The following ULK4 variants were observed in gnomAD, a reference collection of about 807,000 sequenced individuals.
The protein encoded by ULK4 is unc-51 like kinase 4.
ULK4 carries 133 observed loss-of-function variants against 160.6 expected under a neutral mutation model. The ratio of observed to expected loss-of-function variants is 0.83; its 90% CI spans 0.72 to 0.96. The LOEUF is 0.96. Among genes scored for constraint, ULK4 ranks in the 40% least tolerant of loss-of-function variants. The pLI is 0.00. For missense variants in ULK4, 1,580 were observed against 1,499.5 expected, an observed-to-expected ratio of 1.05 and a Z score of -0.89; for synonymous variants, 534 against 539.8, an observed-to-expected ratio of 0.99 and a Z score of 0.15.
intron 35 of ULK4, among the ~76,000 whole-genome samples, chr3:41,360,866 T>C (rs565663818): frequency 6.6e-6 from 1 of 151,864 alleles, no homozygotes; most frequent in East Asian, 1.9e-4. Context: ...CAAACCACCA[T>C]AGCACACGTT....
chr3:41,439,086 G>C (rs972386327), intron 34 of ULK4, among the ~76,000 whole-genome samples: 1 of 152,202 alleles, frequency 6.6e-6, no homozygotes, highest in South Asian at 2.1e-4. Context: ...ATGGGGGTTG[G>C]GGTTCCCCGT....
intron 29 of ULK4, among the ~76,000 whole-genome samples, chr3:41,669,761 TATA>T (rs1317901001): frequency 6.6e-6 from 1 of 151,138 alleles, no homozygotes; most frequent in African/African-American, 2.5e-5. Flanking sequence ...GTATAGATAA[TATA>T]ATAATAATAT....
intron 32 of ULK4, among the ~76,000 whole-genome samples, chr3:41,525,450 C>T (rs937729252): frequency 6.6e-6 from 1 of 152,232 alleles, no homozygotes; most frequent in African/African-American, 2.4e-5. Context: ...TCAATGGACT[C>T]TCGTCTTCTG....
Position 41,800,286 on chromosome 3 carries a change from C to T in ULK4, c.1856G>A (p.Arg619His), listed in dbSNP as rs200014395. The change falls in exon 20 of 37, where the codon CGT (arginine) becomes CAT (histidine). Residue 619 changes from arginine (R) to histidine (H), a missense_variant. Transcript: ENST00000301831. ...LMRCLREGEE[R>H]VVNHMAAKII... is the part of the protein sequence containing the mutation. ...TTTTGCTGCCATGTGATTCACAACA[C>T]GCTCTTCCTATAGAGAAAGGAGATT... is the stretch of plus-strand genomic sequence containing the variant. 888 of 1,611,280 alleles carry T rather than the reference C, an allele frequency of 5.5e-4. No individual in the cohort carries two copies. Among genetic ancestry groups the T allele is most frequent in the Non-Finnish European group, 6.8e-4 (801 of 1,178,918 alleles).
intron 21 of ULK4, among the ~76,000 whole-genome samples, chr3:41,772,489 C>T (rs1349587629): frequency 1.3e-5 from 2 of 152,076 alleles, no homozygotes; most frequent in South Asian, 2.1e-4. Flanking sequence ...ATAAATTCCT[C>T]GACACATACA....
In ULK4 at chr3:41,269,191, A is replaced by G. The variant is rs537304814; in HGVS notation, c.3679-19617T>C. Among the ~76,000 whole-genome samples, 207 of 152,236 alleles carry G rather than the reference A, an allele frequency of 1.4e-3. 1 individual carries two copies. Among genetic ancestry groups the G allele is most frequent in the African/African-American group, 2.7e-3 (114 of 41,560 alleles). ...AAAAAGATGTGTGATGAGCAGGACT[A>G]TTTTGTATTTAGGGTATAATCACTC... On this transcript the variant is annotated intron_variant, in intron 35 of 36. Transcript: ENST00000301831.
chr3:41,565,965 A>G lies in ULK4; in HGVS notation c.3226+60T>C, dbSNP rs187668766. ...GTGGTACTTCTAGACTCCACGCTATATAAGATGAAGAAATGAATAGGCAAA... is the reference window on the plus strand; with the variant it reads ...GTGGTACTTCTAGACTCCACGCTATGTAAGATGAAGAAATGAATAGGCAAA... On this transcript the variant is annotated intron_variant, in intron 32 of 36. Coordinates refer to ENST00000301831, the MANE Select transcript of ULK4 (RefSeq NM_017886.4). 1.3e-5 allele frequency: 18 copies of G among 1,333,802 alleles called. No homozygotes were observed. The East Asian group carries it at 2.6e-4, about 19-fold the overall frequency. The allele number at this position is 1,333,802 out of a possible 1,614,324, so 82.6% of individuals were successfully genotyped here.
chr3:41,911,480 A>G (rs1448279678), intron 10 of ULK4, 61 bp downstream of exon 10: 1 of 1,587,990 alleles, frequency 6.3e-7, no homozygotes, highest in African/African-American at 1.3e-5. Flanking sequence ...CATAACACTG[A>G]AATTAGGAAC....
At chr3:41,532,477 GTTT>G (rs1293415537) in intron 32 of ULK4, among the ~76,000 whole-genome samples, 1 of 152,044 alleles carries the variant, frequency 6.6e-6, no homozygotes, top group African/African-American at 2.4e-5. Context: ...AATTTTGTTT[GTTT>G]TTTATTTTTT....
intron 17 of ULK4, chr3:41,859,209 G>A: frequency 1.9e-6 from 1 of 522,282 alleles, no homozygotes; most frequent in Non-Finnish European, 3.7e-6. Flanking sequence ...ACATTTAAAT[G>A]TGGTGCTGAT....
chr3:41,600,605 T>C (rs1464696208), intron 31 of ULK4, among the ~76,000 whole-genome samples: 2 of 152,228 alleles, frequency 1.3e-5, no homozygotes, highest in African/African-American at 4.8e-5. Context: ...CAACACTTCA[T>C]GCTCAACAGA....
Position 41,913,730 on chromosome 3 carries a change from AG to A in ULK4, c.804-832del, listed in dbSNP as rs201709131. Reference sequence around the variant, plus strand: ...GTAATCCCAGCATTTTGGGAGGCCAAGGTGGGTAGATTGCTTGAGTCCATGA... The same window carrying A: ...GTAATCCCAGCATTTTGGGAGGCCAAGTGGGTAGATTGCTTGAGTCCATGA... On this transcript the variant is annotated intron_variant, in intron 8 of 36. Transcript: ENST00000301831. Among the ~76,000 whole-genome samples, 1,042 of 152,256 alleles carry A rather than the reference AG, an allele frequency of 6.8e-3. 12 individuals carry two copies. Among genetic ancestry groups the A allele is most frequent in the African/African-American group, 0.024 (1,005 of 41,558 alleles).
At chr3:41,441,730 G>T (rs7642296) in intron 34 of ULK4, among the ~76,000 whole-genome samples, 36,187 of 151,852 alleles carry the variant, frequency 0.24, 5,217 homozygotes, top group East Asian at 0.57. Context: ...GTTGCTCAAG[G>T]CTACCATTCC....
intron 21 of ULK4, among the ~76,000 whole-genome samples, chr3:41,770,293 T>C (rs575818729): frequency 2.0e-5 from 3 of 152,292 alleles, no homozygotes; most frequent in Admixed American, 2.0e-4. Flanking sequence ...AGGCTTATTA[T>C]TAATCACTGT....
intron 32 of ULK4, among the ~76,000 whole-genome samples, chr3:41,531,736 A>G (rs1027548237): frequency 3.3e-5 from 5 of 152,222 alleles, no homozygotes; most frequent in Non-Finnish European, 5.9e-5. Flanking sequence ...GAGGAAAACC[A>G]GAGTCAAATA....
chr3:41,452,121 G>A (rs908036841), intron 34 of ULK4, among the ~76,000 whole-genome samples: 15 of 152,066 alleles, frequency 9.9e-5, no homozygotes, highest in African/African-American at 2.4e-4. Context: ...GCATACTGCC[G>A]TATTTAATAG....
Position 41,781,222 on chromosome 3 carries a change from T to C in ULK4, c.2193+8439A>G, listed in dbSNP as rs540670590. On this transcript the variant is annotated intron_variant, in intron 21 of 36. Coordinates refer to ENST00000301831, the MANE Select transcript of ULK4 (RefSeq NM_017886.4). Reference sequence around the variant, plus strand: ...ATCATTTATGAGAAGGTCAGGAAAATATGAACTCTGCGGTGAAACCCTGTC... The same window carrying C: ...ATCATTTATGAGAAGGTCAGGAAAACATGAACTCTGCGGTGAAACCCTGTC... 7.2e-5 allele frequency among the ~76,000 whole-genome samples: 11 copies of C among 151,888 alleles called. No individual in the cohort carries two copies. The East Asian group carries it at 1.2e-3, about 16-fold the overall frequency.
rs950062339 is a variant in ULK4, at chr3:41,726,768, G to A, written c.2322-8907C>T. Among the ~76,000 whole-genome samples, 16 of 152,048 alleles carry A rather than the reference G, an allele frequency of 1.1e-4. 2 individuals carry two copies. The highest frequency in any genetic ancestry group is 6.8e-3 in the Middle Eastern group (2 of 294). On this transcript the variant is annotated intron_variant, in intron 22 of 36. Coordinates refer to ENST00000301831, the MANE Select transcript of ULK4 (RefSeq NM_017886.4). ...TCTGATTACAAGTATGCGCCACCAC[G>A]CCAGGCTAATTTTTGTATTTTTGTT...
chr3:41,462,765 ATGAAAAGC>A (rs1163688869), intron 33 of ULK4, among the ~76,000 whole-genome samples: 1 of 152,178 alleles, frequency 6.6e-6, no homozygotes, highest in Non-Finnish European at 1.5e-5. Context: ...ACCTCAGGAC[ATGAAAAGC>A]TGCAAACTAC....
Sources: gnomAD v4.1 joint callset for allele counts (sites outside exome capture counted in the v4.1 genomes callset) on GRCh38, gnomAD v4.1.1 for gene constraint, MANE v1.5 for transcripts, NCBI Gene and HGNC (gene_info 2026-07-23, HGNC 2026-07-21) for gene names.